The following CERS3 variants were observed in gnomAD, a reference collection of about 807,000 sequenced individuals.
CERS3 encodes LAG1 homolog, ceramide synthase 3.
A neutral mutation model predicts 50.3 loss-of-function variants in CERS3; 33 were observed. The observed-to-expected ratio is 0.66, with a 90% CI of 0.50 to 0.88. The LOEUF (loss-of-function observed/expected upper bound fraction) is 0.88. Ranked by LOEUF, CERS3 falls within the 40% of genes least tolerant of loss-of-function variation. The pLI is 0.00. For missense variants in CERS3, 470 were observed against 460.3 expected (o/e 1.02, Z -0.19); for synonymous variants, 176 against 155.2 (o/e 1.13, Z -0.99).
At chr15:100,524,651 T>TG (rs1256725393) in intron 1 of CERS3, among the ~76,000 whole-genome samples, 1 of 152,238 alleles carries the variant, frequency 6.6e-6, no homozygotes, top group African/African-American at 2.4e-5. Flanking sequence ...GCATGTTGTA[T>TG]GTTTTTAAAG....
intron 11 of CERS3, among the ~76,000 whole-genome samples, chr15:100,447,183 A>G (rs2033977042): frequency 6.6e-6 from 1 of 152,172 alleles, no homozygotes; most frequent in African/African-American, 2.4e-5. Flanking sequence ...AACAGCACTG[A>G]AGTCAGCTAC....
chr15:100,415,458 G>T (rs1418299705), intron 11 of CERS3, among the ~76,000 whole-genome samples: 1 of 152,108 alleles, frequency 6.6e-6, no homozygotes, highest in Non-Finnish European at 1.5e-5. Flanking sequence ...TACCCAAAGA[G>T]ATATAAATCA....
At chr15:100,448,738 G>A (rs1164592649) in intron 11 of CERS3, among the ~76,000 whole-genome samples, 2 of 152,252 alleles carry the variant, frequency 1.3e-5, no homozygotes, top group Non-Finnish European at 2.9e-5. Flanking sequence ...TGCTACCAGG[G>A]CTGAAGCAGT....
At position 100,402,713 on chromosome 15, in the gene CERS3, C is replaced by A. The variant is rs751421614; in HGVS notation, c.1152G>T (p.Ter384TyrextTer43). 1 of 1,613,780 alleles carries A rather than the reference C, an allele frequency of 6.2e-7. No homozygotes were observed. The highest frequency in any genetic ancestry group is 8.5e-7 in the Non-Finnish European group (1 of 1,179,926). The change falls in exon 12 of 12, where the codon TAG becomes TAT. Residue 384 changes from the stop codon to tyrosine (Y), a stop_lost. Transcript: ENST00000679737. ...CCATGGGAGTCCTGTAGGCTTCCAG[C>A]TAATGGCCATGCTGGCCATTGGGAA... ...HLIPNGQHGH[*>Y] is the part of the protein sequence containing the mutation.
chr15:100,482,506 T>C (rs1408546267), intron 5 of CERS3, among the ~76,000 whole-genome samples: 2 of 152,122 alleles, frequency 1.3e-5, no homozygotes, highest in Non-Finnish European at 2.9e-5. Flanking sequence ...GGAGTTCTCC[T>C]ACCTGGATAC....
At chr15:100,453,986 G>C (rs1309553771) in intron 11 of CERS3, among the ~76,000 whole-genome samples, 1 of 152,084 alleles carries the variant, frequency 6.6e-6, no homozygotes, top group Non-Finnish European at 1.5e-5. Flanking sequence ...AAATTGAAGA[G>C]GACATAAACA....
chr15:100,456,002 G>T lies in CERS3; in HGVS notation c.890C>A (p.Pro297His). Residue 297 changes from proline to histidine, a missense_variant, in exon 11 of 12, where the codon CCT becomes CAT. Pro to His is a moderately conservative substitution (Grantham distance 77). Transcript: ENST00000679737. ...GTTGAGGAAGATGTATGAAAAGAAA[G>T]GCTCGAGGTGATACATAGGCAAGAT... ...TLILPMYHLE[P>H]FFSYIFLNLQ... 6 of 1,612,968 alleles carry T rather than the reference G, an allele frequency of 3.7e-6. No homozygotes were observed. The highest frequency in any genetic ancestry group is 5.1e-6 in the Non-Finnish European group (6 of 1,179,446).
At position 100,456,141 on chromosome 15, in the gene CERS3, T is replaced by C. The variant is rs543859153; in HGVS notation, c.846-95A>G. 5 of 847,614 alleles carry C rather than the reference T, an allele frequency of 5.9e-6. No homozygotes were observed. The Admixed American group carries it at 1.1e-4, about 19-fold the overall frequency. 52.5% of individuals were successfully genotyped at this position (847,614 alleles called of 1,614,324 possible). On this transcript the variant is annotated intron_variant, in intron 10 of 11. Transcript: ENST00000679737. ...AATAGTTTTTCTCCTAAGCCATACA[T>C]GTATTTCGTTTCTAATAAAGCCCAG...
chr15:100,466,426 G>A (rs926630757), intron 10 of CERS3, among the ~76,000 whole-genome samples: 1 of 152,148 alleles, frequency 6.6e-6, no homozygotes, highest in Non-Finnish European at 1.5e-5. Context: ...CTTCGAAACT[G>A]CTCCCATCAA....
chr15:100,456,109 T>C, intron 10 of CERS3, 63 bp from the exon 11 acceptor site: 2 of 1,298,438 alleles, frequency 1.5e-6, no homozygotes, highest in Non-Finnish European at 1.0e-6. Flanking sequence ...TTTTCAATAA[T>C]AAAACAAATA....
intron 11 of CERS3, among the ~76,000 whole-genome samples, chr15:100,442,001 C>T (rs886712263): frequency 2.6e-5 from 4 of 152,228 alleles, no homozygotes; most frequent in Non-Finnish European, 4.4e-5. Context: ...CCATATAATA[C>T]TTATATCACC....
chr15:100,464,358 ATGAGC>A (rs2034645864), intron 10 of CERS3, among the ~76,000 whole-genome samples: 1 of 152,232 alleles, frequency 6.6e-6, no homozygotes, highest in South Asian at 2.1e-4. Context: ...CCTGAAAGGC[ATGAGC>A]TGGGTCTCAC....
intron 1 of CERS3, among the ~76,000 whole-genome samples, chr15:100,522,059 CCAA>C (rs2036656611): frequency 6.6e-6 from 1 of 152,190 alleles, no homozygotes; most frequent in Non-Finnish European, 1.5e-5. Context: ...ACCAACCTGG[CCAA>C]CTGTTTTCAG....
chr15:100,432,987 A>C (rs912355670), intron 11 of CERS3, among the ~76,000 whole-genome samples: 1 of 152,166 alleles, frequency 6.6e-6, no homozygotes, highest in Non-Finnish European at 1.5e-5. Context: ...CTGTAATCCC[A>C]GGACTTTGGG....
At chr15:100,425,484 C>CA in intron 11 of CERS3, among the ~76,000 whole-genome samples, 1 of 152,210 alleles carries the variant, frequency 6.6e-6, no homozygotes, top group South Asian at 2.1e-4. Context: ...TAATGACCCC[C>CA]TGCTGGGCTT....
chr15:100,514,020 C>A (rs569977462), intron 2 of CERS3, among the ~76,000 whole-genome samples: 9 of 152,254 alleles, frequency 5.9e-5, no homozygotes, highest in Non-Finnish European at 1.2e-4. Context: ...TATACCACAG[C>A]GGTCAAGCAC....
intron 11 of CERS3, among the ~76,000 whole-genome samples, chr15:100,435,018 A>G (rs2142132585): frequency 6.6e-6 from 1 of 152,308 alleles, no homozygotes; most frequent in East Asian, 1.9e-4. Flanking sequence ...AGGACATCAC[A>G]GTCCACATTT....
chr15:100,445,351 A>T (rs1190388592), intron 11 of CERS3, among the ~76,000 whole-genome samples: 1 of 150,598 alleles, frequency 6.6e-6, no homozygotes, highest in Non-Finnish European at 1.5e-5. Context: ...ATCACAGCTG[A>T]TATCTCCTGG....
At chr15:100,498,954 T>C (rs11247210) in intron 3 of CERS3, among the ~76,000 whole-genome samples, 66,601 of 151,992 alleles carry the variant, frequency 0.44, 15,183 homozygotes, top group Middle Eastern at 0.52. Context: ...AAAAGTCTAA[T>C]GTGCATATTT....
Sources: allele counts gnomAD v4.1 joint callset (sites outside exome capture counted in the v4.1 genomes callset), GRCh38; gene constraint gnomAD v4.1.1; transcripts MANE v1.5; gene names NCBI Gene and HGNC (gene_info 2026-07-23, HGNC 2026-07-21).